The following KSR2 variants were observed in gnomAD, a reference collection of about 807,000 sequenced individuals.
KSR2 encodes kinase suppressor of ras 2.
KSR2 carries 25 observed loss-of-function variants against 107.8 expected under a neutral mutation model. The ratio of observed to expected loss-of-function variants is 0.23; its 90% CI spans 0.17 to 0.32. KSR2 has a LOEUF of 0.32. KSR2 is among the 10% of genes least tolerant of loss of function. The pLI is 1.00. For missense variants in KSR2, 887 were observed against 1,268.9 expected, an observed-to-expected ratio of 0.70 and a Z score of 4.57; for synonymous variants, 480 against 507.0, an observed-to-expected ratio of 0.95 and a Z score of 0.71.
intron 10 of KSR2, among the ~76,000 whole-genome samples, chr12:117,535,482 A>T (rs934192232): frequency 3.3e-5 from 5 of 152,146 alleles, no homozygotes; most frequent in African/African-American, 1.2e-4. Flanking sequence ...GAAAGGGAGG[A>T]AACACTCTCA....
intron 5 of KSR2, among the ~76,000 whole-genome samples, chr12:117,628,711 C>T (rs1429974359): frequency 1.3e-5 from 2 of 152,252 alleles, no homozygotes; most frequent in Admixed American, 6.5e-5. Context: ...AAACGCCATG[C>T]TGGGAGAACC....
At chr12:117,741,459 A>G (rs1243143454) in intron 4 of KSR2, among the ~76,000 whole-genome samples, 1 of 152,212 alleles carries the variant, frequency 6.6e-6, no homozygotes, top group Admixed American at 6.5e-5. Flanking sequence ...CAGGATGTCG[A>G]GGCTGCAGTG....
chr12:117,519,100 T>C (rs547604471), intron 14 of KSR2, among the ~76,000 whole-genome samples: 33 of 152,220 alleles, frequency 2.2e-4, no homozygotes, highest in African/African-American at 7.7e-4. Context: ...TGTGCCGGGG[T>C]CCGATGAATG....
rs1894555026 is a variant in KSR2 at position 117,897,577 on chromosome 12, G to A, written c.181-37146C>T. On this transcript the variant is annotated intron_variant, in intron 1 of 19. Transcript: ENST00000339824. This position sits in a 1 kb window ranked among gnomAD's most constrained non-coding sequence, Gnocchi z 4.5. ...TAGCTGGCTGAACAGACACGTCTTTGAGGTAACAATGGCCTTCTGGAGCGG... is the reference window on the plus strand; with the variant it reads ...TAGCTGGCTGAACAGACACGTCTTTAAGGTAACAATGGCCTTCTGGAGCGG... Among the ~76,000 whole-genome samples, 1 of 152,108 alleles carries A rather than the reference G, an allele frequency of 6.6e-6. No individual in the cohort carries two copies. The highest frequency in any genetic ancestry group is 1.5e-5 in the Non-Finnish European group (1 of 68,024).
At chr12:117,887,932 G>T (rs576531448) in intron 1 of KSR2, among the ~76,000 whole-genome samples, 45 of 152,366 alleles carry the variant, frequency 3.0e-4, no homozygotes, top group African/African-American at 9.9e-4. Context: ...GCCTAGACCA[G>T]TCATGAGCGA....
intron 14 of KSR2, among the ~76,000 whole-genome samples, chr12:117,508,339 C>G (rs1873827120): frequency 6.6e-6 from 1 of 152,218 alleles, no homozygotes; most frequent in South Asian, 2.1e-4. Context: ...ATGCTTCCAT[C>G]ACATCCCAGA....
chr12:117,573,041 A>G (rs1236501759), intron 7 of KSR2, among the ~76,000 whole-genome samples: 1 of 152,204 alleles, frequency 6.6e-6, no homozygotes, highest in Non-Finnish European at 1.5e-5. Flanking sequence ...GCTCTCATGA[A>G]CCTATTAGAT....
At chr12:117,482,079 G>A (rs765312154) in intron 16 of KSR2, among the ~76,000 whole-genome samples, 1 of 152,086 alleles carries the variant, frequency 6.6e-6, no homozygotes, top group African/African-American at 2.4e-5. Flanking sequence ...AGTTTGCAAC[G>A]CACTTGCTTT....
intron 5 of KSR2, among the ~76,000 whole-genome samples, chr12:117,625,413 G>A (rs4767587): frequency 0.9 from 136,443 of 152,186 alleles, 61,331 homozygotes; most frequent in East Asian, 0.99. Flanking sequence ...TTAGCATGAA[G>A]GGCTGTTGAA....
At chr12:117,702,983 AG>A (rs1886384531) in intron 4 of KSR2, among the ~76,000 whole-genome samples, 1 of 152,210 alleles carries the variant, frequency 6.6e-6, no homozygotes, top group African/African-American at 2.4e-5. Context: ...ATAGTGAGGA[AG>A]GACAGTTTTC....
At chr12:117,880,061 G>A (rs971565049) in intron 1 of KSR2, among the ~76,000 whole-genome samples, 9 of 152,072 alleles carry the variant, frequency 5.9e-5, no homozygotes, top group African/African-American at 2.2e-4. Context: ...CAGGAGAATC[G>A]CTTGAACCTG....
intron 4 of KSR2, among the ~76,000 whole-genome samples, chr12:117,686,670 T>G (rs1448945038): frequency 6.6e-6 from 1 of 152,140 alleles, no homozygotes; most frequent in Admixed American, 6.5e-5. Context: ...CATTGTCTAC[T>G]CAGGTGGTAA....
intron 5 of KSR2, among the ~76,000 whole-genome samples, chr12:117,640,596 C>T (rs1019648906): frequency 3.0e-4 from 45 of 152,118 alleles, no homozygotes; most frequent in Non-Finnish European, 5.3e-4. Context: ...ATCCAAAGAG[C>T]GTGTTCCCAC....
chr12:117,848,752 G>T (rs1041606024), intron 3 of KSR2, among the ~76,000 whole-genome samples: 2 of 152,014 alleles, frequency 1.3e-5, no homozygotes, highest in Admixed American at 6.5e-5. Flanking sequence ...CCTGGTGATG[G>T]TGATGGCGAT....
chr12:117,673,495 A>G (rs534456919), intron 4 of KSR2, among the ~76,000 whole-genome samples: 16 of 152,306 alleles, frequency 1.1e-4, no homozygotes, highest in Admixed American at 1.0e-3. Flanking sequence ...GAATGGTGGG[A>G]TGAAAAGATG....
chr12:117,955,748 T>C (rs1214061824), intron 1 of KSR2, among the ~76,000 whole-genome samples: 2 of 151,858 alleles, frequency 1.3e-5, no homozygotes, highest in Non-Finnish European at 2.9e-5. Flanking sequence ...AGATTTCTAT[T>C]ATGGCAAAAC....
rs571119301 is a variant in KSR2 at position 117,731,464 on chromosome 12, C to T, written c.986+29547G>A. 5.9e-4 allele frequency among the ~76,000 whole-genome samples: 87 copies of T among 148,108 alleles called. 1 individual carries two copies. The highest frequency in any genetic ancestry group is 1.1e-3 in the Non-Finnish European group (73 of 66,808). On this transcript the variant is annotated intron_variant, in intron 4 of 19. Coordinates refer to ENST00000339824, the MANE Select transcript of KSR2 (RefSeq NM_173598.6). ...ACCGCCCCGTCCGGGAGGTGGGGGG[C>T]GCCTCTGCCCGGCCGCCCCATCTGG...
At chr12:117,650,242 T>A (rs1490898273) in intron 5 of KSR2, among the ~76,000 whole-genome samples, 1 of 152,168 alleles carries the variant, frequency 6.6e-6, no homozygotes, top group East Asian at 1.9e-4. Flanking sequence ...CCTACATCTT[T>A]CTCCCGTGCT....
At chr12:117,950,332 G>A (rs947704160) in intron 1 of KSR2, among the ~76,000 whole-genome samples, 1 of 152,092 alleles carries the variant, frequency 6.6e-6, no homozygotes, top group African/African-American at 2.4e-5. Context: ...AGAAAGGGAT[G>A]GATAGATGAA....
Sources: allele counts gnomAD v4.1 joint callset (sites outside exome capture counted in the v4.1 genomes callset), GRCh38; gene constraint gnomAD v4.1.1; non-coding constraint Gnocchi (gnomAD v3.1); transcripts MANE v1.5; gene names NCBI Gene and HGNC (gene_info 2026-07-23, HGNC 2026-07-21).